The following EPHA3 variants were observed in gnomAD, a reference collection of about 807,000 sequenced individuals.
The protein encoded by EPHA3 is ephrin type-A receptor 3.
A neutral mutation model predicts 107.1 loss-of-function variants in EPHA3; 42 were observed. That is an observed-to-expected ratio of 0.39 (90% confidence interval 0.31 to 0.51). EPHA3 has a LOEUF of 0.51. EPHA3 is among the 20% of genes least tolerant of loss of function. The pLI is 0.78. For synonymous variants in EPHA3, 461 were observed against 424.8 expected, an observed-to-expected ratio of 1.09 and a Z score of -1.05; for missense variants, 1,183 against 1,211.2, an observed-to-expected ratio of 0.98 and a Z score of 0.35.
intron 2 of EPHA3, among the ~76,000 whole-genome samples, chr3:89,171,121 A>T (rs1559583748): frequency 6.6e-6 from 1 of 152,150 alleles, no homozygotes; most frequent in South Asian, 2.1e-4. Flanking sequence ...TCTCAAATTT[A>T]TCAACGTTGT....
intron 5 of EPHA3, among the ~76,000 whole-genome samples, chr3:89,354,780 A>G (rs969872640): frequency 6.6e-5 from 10 of 151,360 alleles, no homozygotes; most frequent in African/African-American, 1.7e-4. Context: ...TTATATGGCT[A>G]TAAGTGAATA....
At chr3:89,421,915 G>A (rs888674499) in intron 11 of EPHA3, among the ~76,000 whole-genome samples, 3 of 151,060 alleles carry the variant, frequency 2.0e-5, no homozygotes, top group Non-Finnish European at 4.4e-5. Flanking sequence ...TACTCAAACC[G>A]ACTCTGTAAC....
At chr3:89,280,161 T>A (rs1234983024) in intron 3 of EPHA3, among the ~76,000 whole-genome samples, 1 of 152,086 alleles carries the variant, frequency 6.6e-6, no homozygotes, top group Non-Finnish European at 1.5e-5. Flanking sequence ...TTACAGATAT[T>A]TATTTCCTGC....
At chr3:89,294,314 A>C (rs1245078558) in intron 3 of EPHA3, among the ~76,000 whole-genome samples, 1 of 152,098 alleles carries the variant, frequency 6.6e-6, no homozygotes, top group Admixed American at 6.6e-5. Flanking sequence ...TTCTCTATTA[A>C]ATTACCTTTG....
chr3:89,374,621 G>A (rs1392888324), intron 5 of EPHA3, among the ~76,000 whole-genome samples: 2 of 151,680 alleles, frequency 1.3e-5, no homozygotes, highest in Non-Finnish European at 2.9e-5. Flanking sequence ...ACAGATCAGA[G>A]GGTCTCTGTT....
intron 3 of EPHA3, among the ~76,000 whole-genome samples, chr3:89,261,992 G>C (rs903396549): frequency 6.6e-5 from 10 of 151,664 alleles, no homozygotes; most frequent in Non-Finnish European, 1.2e-4. Context: ...TATTTAATTG[G>C]TTTACCTTTT....
intron 2 of EPHA3, among the ~76,000 whole-genome samples, chr3:89,173,712 C>T (rs974248548): frequency 2.0e-5 from 3 of 151,910 alleles, no homozygotes; most frequent in Non-Finnish European, 4.4e-5. Flanking sequence ...TATTTTTCCT[C>T]ACAATAATTG....
intron 7 of EPHA3, among the ~76,000 whole-genome samples, chr3:89,404,436 A>C (rs1414426571): frequency 6.6e-6 from 1 of 152,232 alleles, no homozygotes; most frequent in Non-Finnish European, 1.5e-5. Flanking sequence ...GTTCTGACTC[A>C]AAAGAATGAA....
At chr3:89,345,967 T>G in intron 5 of EPHA3, among the ~76,000 whole-genome samples, 1 of 148,000 alleles carries the variant, frequency 6.8e-6, no homozygotes, top group Non-Finnish European at 1.5e-5. Context: ...TATGGCTGCA[T>G]AGATATTCCA....
At chr3:89,401,378 A>T (rs1315069699) in intron 7 of EPHA3, among the ~76,000 whole-genome samples, 1 of 152,204 alleles carries the variant, frequency 6.6e-6, no homozygotes, top group Admixed American at 6.5e-5. Flanking sequence ...AATCCTCACA[A>T]TAAAATGTGT....
intron 2 of EPHA3, among the ~76,000 whole-genome samples, chr3:89,148,925 A>G (rs578183081): frequency 6.6e-6 from 1 of 152,144 alleles, no homozygotes; most frequent in East Asian, 1.9e-4. Flanking sequence ...ATTTCATTGG[A>G]GTCATATATA....
chr3:89,245,895 T>C (rs1705020369), intron 3 of EPHA3, among the ~76,000 whole-genome samples: 2 of 152,180 alleles, frequency 1.3e-5, no homozygotes, highest in African/African-American at 4.8e-5. Flanking sequence ...AAGAGGATAA[T>C]AAGGTTACGT....
chr3:89,415,488 A>ATATC (rs1313019181), intron 10 of EPHA3, among the ~76,000 whole-genome samples: 1 of 146,990 alleles, frequency 6.8e-6, no homozygotes, highest in African/African-American at 2.5e-5. Flanking sequence ...ATATATATAT[A>ATATC]TATAAGCTAA....
chr3:89,344,602 G>C (rs903438020), intron 5 of EPHA3, among the ~76,000 whole-genome samples: 1 of 152,076 alleles, frequency 6.6e-6, no homozygotes, highest in Non-Finnish European at 1.5e-5. Flanking sequence ...TTTTGTTCTT[G>C]TGAAGGTTAA....
chr3:89,392,073 T>G (rs1376057563), intron 5 of EPHA3, among the ~76,000 whole-genome samples: 1 of 152,180 alleles, frequency 6.6e-6, no homozygotes, highest in Non-Finnish European at 1.5e-5. Flanking sequence ...CATCCTATTC[T>G]GTCATCAACT....
chr3:89,269,881 T>G (rs1242276080), intron 3 of EPHA3, among the ~76,000 whole-genome samples: 2 of 151,520 alleles, frequency 1.3e-5, no homozygotes, highest in Non-Finnish European at 1.5e-5. Flanking sequence ...TGCCCTTGTC[T>G]GAGAACTACT....
intron 5 of EPHA3, among the ~76,000 whole-genome samples, chr3:89,374,950 C>A (rs2107476147): frequency 6.6e-6 from 1 of 151,920 alleles, no homozygotes; most frequent in South Asian, 2.1e-4. Flanking sequence ...ACTATAGCAA[C>A]TGTAGGTCCT....
chr3:89,342,075 A>C lies in EPHA3; in HGVS notation c.1291A>C (p.Thr431Pro), dbSNP rs1172488603. 6.2e-7 allele frequency: 1 copy of C among 1,609,964 alleles called. No homozygotes were observed. Among genetic ancestry groups the C allele is most frequent in the Non-Finnish European group, 8.5e-7 (1 of 1,179,042 alleles). ...AAGACAGTTTGCTGCGGTCAGCATC[A>C]CAACTAATCAGGCTGGTGAGTACAT... ...PPRQFAAVSITTNQAAPSPVL... is the reference protein window; with the variant it reads ...PPRQFAAVSIPTNQAAPSPVL... The change falls in exon 5 of 17, where the codon ACA becomes CCA. Residue 431 changes from threonine to proline, a missense_variant. Physicochemically the swap from Thr to Pro is conservative, Grantham distance 38. Coordinates refer to ENST00000336596, the MANE Select transcript of EPHA3 (RefSeq NM_005233.6).
chr3:89,190,332 C>T (rs1705679562), intron 2 of EPHA3, among the ~76,000 whole-genome samples: 1 of 152,168 alleles, frequency 6.6e-6, no homozygotes, highest in East Asian at 1.9e-4. Context: ...CGTTGTTTGC[C>T]AGGTGAGTCT....
Sources: allele counts gnomAD v4.1 joint callset (sites outside exome capture counted in the v4.1 genomes callset), GRCh38; gene constraint gnomAD v4.1.1; transcripts MANE v1.5; gene names NCBI Gene and HGNC (gene_info 2026-07-23, HGNC 2026-07-21).